ZNF469: variants seen among roughly 807,000 people sequenced by gnomAD.
ZNF469 encodes the protein zinc finger protein 469.
In ZNF469, 1 loss-of-function variant was observed where a neutral mutation model predicts 1.0. The ratio of observed to expected loss-of-function variants is 1.00; its 90% confidence interval spans 0.35 to 4.73. The LOEUF (loss-of-function observed/expected upper bound fraction) is 4.73, where lower values mean the gene tolerates loss of function less well. Among genes scored for constraint, ZNF469 ranks in the 30% most tolerant of loss-of-function variants. ZNF469 has a pLI of 0.16. For missense variants in ZNF469, 6,100 were observed against 5,356.3 expected, an observed-to-expected ratio of 1.14 and a Z score of -4.33; for synonymous variants, 2,703 against 2,363.4, an observed-to-expected ratio of 1.14 and a Z score of -4.17.
At chr16:88,210,716 C>G in the ZNF469 span, among the ~76,000 whole-genome samples, 43 of 152,224 alleles carry the variant, frequency 2.8e-4, no homozygotes, top group Admixed American at 2.7e-3. Context: ...GTCACTTTGA[C>G]CATCTACGAA....
At chr16:88,200,523 T>G in the ZNF469 span, among the ~76,000 whole-genome samples, 1 of 152,364 alleles carries the variant, frequency 6.6e-6, no homozygotes, top group African/African-American at 2.4e-5. Context: ...CTGAGCTGTC[T>G]TCCCCGGAGG....
the ZNF469 span, among the ~76,000 whole-genome samples, chr16:88,103,764 T>G: frequency 7.0e-4 from 84 of 119,494 alleles, no homozygotes; most frequent in African/African-American, 2.6e-3. Context: ...GGCACGGGGG[T>G]GGGTGGAATA....
At chr16:88,400,869 C>G (rs1314605608) in intron 1 of ZNF469, among the ~76,000 whole-genome samples, 4 of 151,816 alleles carry the variant, frequency 2.6e-5, no homozygotes, top group African/African-American at 9.7e-5. Context: ...TGGTTACCAC[C>G]ACTAGGGACC....
chr16:88,237,336 C>G, the ZNF469 span, among the ~76,000 whole-genome samples: 1 of 666 alleles, frequency 1.5e-3, no homozygotes, highest in African/African-American at 1.6e-3. Flanking sequence ...GCTCCTGCCA[C>G]TCACCCTCCC....
At chr16:88,210,400 G>A in the ZNF469 span, among the ~76,000 whole-genome samples, 4 of 151,784 alleles carry the variant, frequency 2.6e-5, no homozygotes, top group Admixed American at 6.6e-5. Context: ...TTTTTATATC[G>A]TCAAATGCAT....
chr16:88,253,087 C>T, the ZNF469 span, among the ~76,000 whole-genome samples: 6 of 152,144 alleles, frequency 3.9e-5, no homozygotes, highest in South Asian at 2.1e-4. Flanking sequence ...GAATTATCAC[C>T]GTTTCAGGTC....
the ZNF469 span, among the ~76,000 whole-genome samples, chr16:88,273,284 T>C: frequency 1.3e-5 from 2 of 151,796 alleles, no homozygotes; most frequent in South Asian, 4.2e-4. Flanking sequence ...AAAACAGTCA[T>C]GGTTCTGTCC....
At chr16:88,135,271 G>T in the ZNF469 span, among the ~76,000 whole-genome samples, 1 of 152,260 alleles carries the variant, frequency 6.6e-6, no homozygotes, top group Non-Finnish European at 1.5e-5. Context: ...AGTCTCCCCC[G>T]AGGAATCCTC....
the ZNF469 span, among the ~76,000 whole-genome samples, chr16:88,183,501 G>C: frequency 6.6e-6 from 1 of 152,198 alleles, no homozygotes; most frequent in Non-Finnish European, 1.5e-5. Flanking sequence ...CGCGAAGCCT[G>C]CTGCGAAGTG....
At chr16:88,389,865 A>C (rs945362167) in intron 1 of ZNF469, among the ~76,000 whole-genome samples, 29 of 152,284 alleles carry the variant, frequency 1.9e-4, no homozygotes, top group African/African-American at 7.0e-4. Flanking sequence ...TGAGGACAGC[A>C]CAGCCCTCGC....
Position 88,428,302 on chromosome 16 carries a change from C to T in ZNF469, c.832C>T (p.Pro278Ser). 6.5e-7 allele frequency: 1 copy of T among 1,550,334 alleles called. No individual in the cohort carries two copies. Among genetic ancestry groups the T allele is most frequent in the Non-Finnish European group, 8.7e-7 (1 of 1,146,934 alleles). ...PRGVSFQFPF[P>S]ALHGASTKPF... ...GGGAGTTTCCTTCCAGTTCCCCTTC[C>T]CGGCACTGCATGGGGCCAGCACAAA... The change falls in exon 3 of 3, where the codon CCG becomes TCG. Residue 278 changes from proline to serine, a missense_variant. Pro to Ser is a moderately conservative substitution (Grantham distance 74, BLOSUM62 -1). Coordinates refer to ENST00000565624, the MANE Select transcript of ZNF469 (RefSeq NM_001367624.2).
At chr16:88,301,014 G>A in the ZNF469 span, among the ~76,000 whole-genome samples, 1 of 151,970 alleles carries the variant, frequency 6.6e-6, no homozygotes, top group African/African-American at 2.4e-5. Flanking sequence ...GCAGTGAGCT[G>A]AAATCATGCC....
chr16:88,126,722 C>T, the ZNF469 span, among the ~76,000 whole-genome samples: 2 of 152,030 alleles, frequency 1.3e-5, no homozygotes, highest in East Asian at 1.9e-4. Flanking sequence ...GGCTCGATCT[C>T]GGCTCACTGC....
At chr16:88,315,413 A>G in the ZNF469 span, among the ~76,000 whole-genome samples, 38 of 152,356 alleles carry the variant, frequency 2.5e-4, 1 homozygote, top group Middle Eastern at 3.4e-3. Context: ...CTGCCAGGCC[A>G]CGCACGCACA....
At chr16:88,138,202 A>C in the ZNF469 span, among the ~76,000 whole-genome samples, 1 of 152,220 alleles carries the variant, frequency 6.6e-6, no homozygotes, top group Admixed American at 6.5e-5. Flanking sequence ...AAACTCAGCC[A>C]TAATTTTGTA....
chr16:88,133,658 G>A, the ZNF469 span, among the ~76,000 whole-genome samples: 4,957 of 150,612 alleles, frequency 0.033, no homozygotes, highest in African/African-American at 0.11. Flanking sequence ...ATAAAATAAT[G>A]AAATAAATAT....
At chr16:88,168,696 C>T in the ZNF469 span, among the ~76,000 whole-genome samples, 1 of 152,190 alleles carries the variant, frequency 6.6e-6, no homozygotes, top group Non-Finnish European at 1.5e-5. This position sits in a 1 kb window ranked among gnomAD's most constrained non-coding sequence, Gnocchi z 4.3. Flanking sequence ...GCACACCTGC[C>T]GTTTGGCAAG....
the ZNF469 span, among the ~76,000 whole-genome samples, chr16:88,237,789 T>G: frequency 1.8e-3 from 205 of 116,012 alleles, no homozygotes; most frequent in African/African-American, 5.3e-3. Context: ...CCTGCCCTCC[T>G]TGCTCCCGCC....
chr16:88,362,276 G>A, the ZNF469 span, among the ~76,000 whole-genome samples: 2 of 152,302 alleles, frequency 1.3e-5, no homozygotes, highest in African/African-American at 4.8e-5. Flanking sequence ...TGCATAGAAT[G>A]TCAAAATGTG....
Sources: gnomAD v4.1 joint callset for allele counts (sites outside exome capture counted in the v4.1 genomes callset) on GRCh38, gnomAD v4.1.1 for gene constraint, Gnocchi (gnomAD v3.1) non-coding constraint, MANE v1.5 for transcripts, NCBI Gene and HGNC (gene_info 2026-07-23, HGNC 2026-07-21) for gene names.